ITGA9: variants seen among roughly 807,000 people sequenced by gnomAD.
ITGA9 encodes integrin subunit alpha 9, also known as integrin alpha-9.
In ITGA9, 56 loss-of-function variants were observed where a neutral mutation model predicts 127.8. That is an observed-to-expected ratio of 0.44 (90% CI 0.35 to 0.55). The LOEUF (loss-of-function observed/expected upper bound fraction) is 0.55. Among genes scored for constraint, ITGA9 ranks in the 20% least tolerant of loss-of-function variants. ITGA9 has a pLI of 0.00. For synonymous variants in ITGA9, 508 were observed against 514.5 expected, an observed-to-expected ratio of 0.99 and a Z score of 0.17; for missense variants, 1,196 against 1,347.1, an observed-to-expected ratio of 0.89 and a Z score of 1.76.
chr3:37,468,048 C>G, intron 1 of ITGA9, among the ~76,000 whole-genome samples: 1 of 152,134 alleles, frequency 6.6e-6, no homozygotes, highest in Non-Finnish European at 1.5e-5. Flanking sequence ...CCAAACTGCT[C>G]TTGTGTGGGT....
chr3:37,719,523 G>A (rs1310532704), intron 18 of ITGA9, among the ~76,000 whole-genome samples: 1 of 152,130 alleles, frequency 6.6e-6, no homozygotes, highest in African/African-American at 2.4e-5. Context: ...AGAGGATGTG[G>A]GAGAGATGCT....
chr3:37,778,735 A>G (rs1472994044), intron 24 of ITGA9, among the ~76,000 whole-genome samples: 2 of 129,852 alleles, frequency 1.5e-5, no homozygotes, highest in Non-Finnish European at 3.6e-5. Flanking sequence ...TGCTTTCCAA[A>G]GCCTCCTTTT....
chr3:37,479,518 G>C (rs1018559277), intron 3 of ITGA9, among the ~76,000 whole-genome samples: 5 of 152,172 alleles, frequency 3.3e-5, no homozygotes, highest in Non-Finnish European at 7.3e-5. Flanking sequence ...AGCTTAGAAG[G>C]CTGTGATCTT....
intron 12 of ITGA9, 104 bp downstream of exon 12, chr3:37,523,715 G>C: frequency 2.4e-6 from 2 of 846,286 alleles, no homozygotes; most frequent in South Asian, 2.7e-5. Flanking sequence ...TTTAGGATTA[G>C]GACAATTCAC....
Position 37,535,334 on chromosome 3 carries a change from A to G in ITGA9, c.1528+1866A>G, listed in dbSNP as rs183046081. Among the ~76,000 whole-genome samples, 413 of 152,372 alleles carry G rather than the reference A, an allele frequency of 2.7e-3. 1 individual carries two copies. The highest frequency in any genetic ancestry group is 9.1e-3 in the African/African-American group (380 of 41,590). On this transcript the variant is annotated intron_variant, in intron 14 of 27. Transcript: ENST00000264741. ...AAGAAACCAAGATGCAAGTTAGAGC[A>G]AGAGTGATTCAGAGCATGAGACAAG...
intron 15 of ITGA9, among the ~76,000 whole-genome samples, chr3:37,613,026 A>G (rs1378000601): frequency 2.0e-5 from 3 of 150,900 alleles, no homozygotes; most frequent in African/African-American, 7.3e-5. Context: ...GGTTTGTTAC[A>G]TATGTATTCA....
chr3:37,541,670 C>T (rs976680102), intron 14 of ITGA9, among the ~76,000 whole-genome samples: 2 of 152,004 alleles, frequency 1.3e-5, no homozygotes, highest in African/African-American at 4.8e-5. Flanking sequence ...CAGTACAGGC[C>T]CTACCGTGGT....
chr3:37,714,856 G>A (rs1219465082), intron 18 of ITGA9, among the ~76,000 whole-genome samples: 1 of 152,194 alleles, frequency 6.6e-6, no homozygotes, highest in African/African-American at 2.4e-5. Context: ...AACCTCCTCT[G>A]CACAATGCAC....
intron 17 of ITGA9, 78 bp from the exon 18 acceptor site, chr3:37,683,787 C>A: frequency 6.7e-7 from 1 of 1,484,946 alleles, no homozygotes; most frequent in Non-Finnish European, 9.3e-7. Context: ...CTGCCCCCCA[C>A]CTTCAACTAC....
At chr3:37,571,434 A>G (rs1699601235) in intron 15 of ITGA9, among the ~76,000 whole-genome samples, 1 of 152,180 alleles carries the variant, frequency 6.6e-6, no homozygotes, top group Non-Finnish European at 1.5e-5. Flanking sequence ...TTCTGTCTGG[A>G]CATTAGCTGG....
intron 1 of ITGA9, among the ~76,000 whole-genome samples, chr3:37,462,717 G>T (rs951027704): frequency 6.6e-6 from 1 of 152,222 alleles, no homozygotes; most frequent in African/African-American, 2.4e-5. Flanking sequence ...GGCTTCTTCG[G>T]AGGGCATTTG....
chr3:37,574,683 C>T (rs1699635695), intron 15 of ITGA9, among the ~76,000 whole-genome samples: 2 of 152,224 alleles, frequency 1.3e-5, no homozygotes, highest in Admixed American at 1.3e-4. Flanking sequence ...GTTTCACAGC[C>T]ATTTCCCGTC....
intron 15 of ITGA9, among the ~76,000 whole-genome samples, chr3:37,593,537 G>A (rs1463964340): frequency 2.6e-5 from 4 of 152,290 alleles, no homozygotes; most frequent in African/African-American, 4.8e-5. Flanking sequence ...GGCCACCTTC[G>A]TGCTATGTCC....
intron 15 of ITGA9, among the ~76,000 whole-genome samples, chr3:37,550,689 A>G (rs1699370269): frequency 6.6e-6 from 1 of 152,204 alleles, no homozygotes. Flanking sequence ...AGTGTTGAGT[A>G]TTTATTACAT....
chr3:37,653,670 C>A (rs768941418), intron 16 of ITGA9, 44 bp from the exon 17 acceptor site: 3 of 1,385,202 alleles, frequency 2.2e-6, no homozygotes, highest in South Asian at 1.2e-5. Flanking sequence ...TACTCGTTTG[C>A]CACTCAATCC....
chr3:37,614,519 G>C (rs916170362), intron 15 of ITGA9, among the ~76,000 whole-genome samples: 3 of 151,414 alleles, frequency 2.0e-5, no homozygotes, highest in African/African-American at 7.3e-5. Context: ...TTGGTAGCTT[G>C]ATGGGGATGG....
chr3:37,736,807 A>G (rs1348031227), intron 19 of ITGA9, 97 bp from the exon 20 acceptor site: 17 of 826,736 alleles, frequency 2.1e-5, no homozygotes, highest in Non-Finnish European at 3.0e-5. Context: ...TTATCATGCA[A>G]ATGAGCTTCC....
At chr3:37,658,683 A>T (rs968592419) in intron 17 of ITGA9, among the ~76,000 whole-genome samples, 5 of 152,198 alleles carry the variant, frequency 3.3e-5, no homozygotes, top group Admixed American at 2.0e-4. Flanking sequence ...TAGCCCATTT[A>T]CATTTAAGGT....
chr3:37,472,828 C>T (rs1698447494), intron 2 of ITGA9, among the ~76,000 whole-genome samples: 1 of 152,114 alleles, frequency 6.6e-6, no homozygotes, highest in Non-Finnish European at 1.5e-5. Flanking sequence ...CAAGGCCCTG[C>T]CTCTTTCCAT....
Sources: gnomAD v4.1 joint callset for allele counts (sites outside exome capture counted in the v4.1 genomes callset) on GRCh38, gnomAD v4.1.1 for gene constraint, MANE v1.5 for transcripts, NCBI Gene and HGNC (gene_info 2026-07-23, HGNC 2026-07-21) for gene names.